The following WWOX variants were observed in gnomAD, a reference collection of about 807,000 sequenced individuals.
WWOX encodes the protein WW domain-containing oxidoreductase.
In WWOX, 69 loss-of-function variants were observed where a neutral mutation model predicts 46.2. The ratio of observed to expected loss-of-function variants is 1.49; its 90% CI spans 1.23 to 1.82. The LOEUF is 1.82. WWOX is among the 40% of genes most tolerant of loss of function. The probability of loss-of-function intolerance (pLI) is 0.00; values close to 1 mark genes in which losing one functional copy is unlikely to be tolerated. For missense variants in WWOX, 919 were observed against 542.6 expected, an observed-to-expected ratio of 1.69 and a Z score of -6.89; for synonymous variants, 359 against 202.6, an observed-to-expected ratio of 1.77 and a Z score of -6.56.
At chr16:78,964,874 GC>G (rs1413192715) in intron 8 of WWOX, among the ~76,000 whole-genome samples, 2 of 152,240 alleles carry the variant, frequency 1.3e-5, no homozygotes, top group African/African-American at 4.8e-5. Flanking sequence ...GCTGAAAGGG[GC>G]CAAGGTATAG....
At chr16:79,207,066 C>G (rs1336201380) in intron 8 of WWOX, among the ~76,000 whole-genome samples, 2 of 152,120 alleles carry the variant, frequency 1.3e-5, no homozygotes, top group African/African-American at 2.4e-5. Context: ...TATAGCCTCT[C>G]CTGGGGGAGT....
At chr16:78,499,899 C>T (rs1481981934) in intron 8 of WWOX, among the ~76,000 whole-genome samples, 2 of 152,290 alleles carry the variant, frequency 1.3e-5, no homozygotes, top group Non-Finnish European at 2.9e-5. Context: ...TATAAATAGA[C>T]ATTCCTGGCC....
In WWOX at chr16:78,889,071, T is replaced by C. The variant is rs146893067; in HGVS notation, c.1057-322537T>C. On this transcript the variant is annotated intron_variant, in intron 8 of 8. Coordinates refer to ENST00000566780, the MANE Select transcript of WWOX (RefSeq NM_016373.4). The stretch of plus-strand genomic sequence containing the variant: ...CTTCCCTTTTACAAGAAGATGTCTC[T>C]CTTTGAATTCAACTCAGAGGTCAGC... Among the ~76,000 whole-genome samples the C allele has an allele frequency of 2.3e-3, 347 of 152,262 alleles. 2 individuals are homozygous for C. Among genetic ancestry groups the C allele is most frequent in the African/African-American group, 8.0e-3 (332 of 41,554 alleles).
At chr16:78,472,641 T>G (rs976455944) in intron 8 of WWOX, among the ~76,000 whole-genome samples, 5 of 151,748 alleles carry the variant, frequency 3.3e-5, no homozygotes, top group African/African-American at 1.2e-4. Flanking sequence ...AAACCGTTTC[T>G]CTACTGAAAA....
At chr16:78,160,843 C>G (rs1006985194) in intron 4 of WWOX, among the ~76,000 whole-genome samples, 1 of 152,110 alleles carries the variant, frequency 6.6e-6, no homozygotes, top group Admixed American at 6.5e-5. Flanking sequence ...TTGTGTTTGT[C>G]TGCTTATTTT....
At chr16:78,915,241 G>C (rs1211017045) in intron 8 of WWOX, among the ~76,000 whole-genome samples, 1 of 152,122 alleles carries the variant, frequency 6.6e-6, no homozygotes, top group African/African-American at 2.4e-5. Context: ...GATTAAGAGG[G>C]TTCCCTTTAC....
At chr16:79,108,526 C>G (rs895282203) in intron 8 of WWOX, among the ~76,000 whole-genome samples, 1 of 152,234 alleles carries the variant, frequency 6.6e-6, no homozygotes, top group Non-Finnish European at 1.5e-5. Context: ...CCTGGATGAA[C>G]CACCATCTGG....
At chr16:78,313,555 G>C (rs1052771833) in intron 5 of WWOX, among the ~76,000 whole-genome samples, 1 of 152,068 alleles carries the variant, frequency 6.6e-6, no homozygotes, top group African/African-American at 2.4e-5. Flanking sequence ...TAGTAGAGAC[G>C]GGGTTTCTCC....
At chr16:78,578,936 A>G (rs540754386) in intron 8 of WWOX, among the ~76,000 whole-genome samples, 3 of 152,180 alleles carry the variant, frequency 2.0e-5, no homozygotes, top group Non-Finnish European at 4.4e-5. Flanking sequence ...TTGATTGTTG[A>G]TATTACTTAT....
chr16:79,068,037 C>A, intron 8 of WWOX, among the ~76,000 whole-genome samples: 1 of 152,086 alleles, frequency 6.6e-6, no homozygotes, highest in South Asian at 2.1e-4. Flanking sequence ...TTGCCTTGGC[C>A]ATGGTCAGTC....
Position 78,108,429 on chromosome 16 carries a change from C to T in WWOX, c.114C>T (p.Thr38=), listed in dbSNP as rs372635270. The T allele has an allele frequency of 1.5e-5, 25 of 1,613,094 alleles. No individual in the cohort carries two copies. The highest frequency in any genetic ancestry group is 5.4e-5 in the African/African-American group (4 of 74,610). The change falls in exon 2 of 9, where the codon ACC becomes ACT. Residue 38 remains threonine, a synonymous_variant. Coordinates refer to ENST00000566780, the MANE Select transcript of WWOX (RefSeq NM_016373.4). ...KDGWVYYANH[T]EEKTQWEHPK... ...ATTTTTTGTTTTTTAACAGTCACAC[C>T]GAGGAGAAGACTCAGTGGGAACATC...
intron 8 of WWOX, among the ~76,000 whole-genome samples, chr16:78,453,077 C>T (rs1403085675): frequency 6.6e-6 from 1 of 150,468 alleles, no homozygotes; most frequent in African/African-American, 2.5e-5. Context: ...AGACGGGTTT[C>T]ATCATGTTGG....
At chr16:79,060,075 G>T (rs923027540) in intron 8 of WWOX, among the ~76,000 whole-genome samples, 3 of 152,084 alleles carry the variant, frequency 2.0e-5, no homozygotes, top group Admixed American at 1.3e-4. Context: ...TTATATTTCT[G>T]GGTACAAACC....
intron 8 of WWOX, among the ~76,000 whole-genome samples, chr16:78,962,757 A>G (rs2151313964): frequency 1.3e-5 from 2 of 152,338 alleles, no homozygotes; most frequent in East Asian, 3.9e-4. Flanking sequence ...AAGACAGAGA[A>G]CATTTCTAAC....
intron 5 of WWOX, among the ~76,000 whole-genome samples, chr16:78,314,335 C>T (rs756451628): frequency 1.4e-4 from 20 of 145,800 alleles, no homozygotes; most frequent in Admixed American, 2.1e-4. Context: ...GAACCCAGGA[C>T]GCAGAGGTTG....
intron 6 of WWOX, among the ~76,000 whole-genome samples, chr16:78,420,722 G>A (rs1271738171): frequency 6.8e-6 from 1 of 147,296 alleles, no homozygotes; most frequent in Non-Finnish European, 1.5e-5. Flanking sequence ...ACAATTATTT[G>A]AGTATACTAA....
intron 5 of WWOX, among the ~76,000 whole-genome samples, chr16:78,352,047 G>A (rs1275479220): frequency 6.6e-6 from 1 of 152,146 alleles, no homozygotes. Context: ...TGGAGTCAGC[G>A]AGACAGTAGA....
chr16:78,379,224 C>G (rs1391205812), intron 5 of WWOX, among the ~76,000 whole-genome samples: 2 of 152,188 alleles, frequency 1.3e-5, no homozygotes, highest in East Asian at 3.8e-4. Context: ...AAATGAGATT[C>G]TGGAAATAAG....
intron 5 of WWOX, among the ~76,000 whole-genome samples, chr16:78,182,736 A>G (rs1354464935): frequency 6.6e-6 from 1 of 151,924 alleles, no homozygotes; most frequent in Non-Finnish European, 1.5e-5. Context: ...GTGGATCACG[A>G]GGTCAGGAGA....
Sources: allele counts gnomAD v4.1 joint callset (sites outside exome capture counted in the v4.1 genomes callset), GRCh38; gene constraint gnomAD v4.1.1; transcripts MANE v1.5; gene names NCBI Gene and HGNC (gene_info 2026-07-23, HGNC 2026-07-21).